The following UQCC1 variants were observed in gnomAD, a reference collection of about 807,000 sequenced individuals.
UQCC1 encodes ubiquinol-cytochrome c reductase complex assembly factor 1.
Under a neutral mutation model 48.0 loss-of-function variants are expected in UQCC1, and 38 were observed. The ratio of observed to expected loss-of-function variants is 0.79; its 90% CI spans 0.61 to 1.04. The LOEUF is 1.04. UQCC1 is among the 50% of genes least tolerant of loss of function. The pLI, the probability that UQCC1 is intolerant of heterozygous loss-of-function variation, is 0.00. For missense variants in UQCC1, 368 were observed against 381.8 expected (o/e 0.96, Z 0.30); for synonymous variants, 111 against 129.2 (o/e 0.86, Z 0.95).
intron 7 of UQCC1, chr20:35,346,498 T>C (rs6088799): frequency 0.54 from 85,646 of 158,108 alleles, 24,302 homozygotes; most frequent in East Asian, 0.71. Flanking sequence ...GGCTTCATTC[T>C]TGAAGTCGCG....
chr20:35,358,494 A>G (rs1378410292), intron 6 of UQCC1, among the ~76,000 whole-genome samples: 1 of 152,178 alleles, frequency 6.6e-6, no homozygotes, highest in African/African-American at 2.4e-5. Context: ...CATTTATTGA[A>G]CAAGTATTAC....
intron 1 of UQCC1, among the ~76,000 whole-genome samples, chr20:35,408,479 T>C (rs751151464): frequency 1.3e-5 from 2 of 152,072 alleles, no homozygotes; most frequent in Non-Finnish European, 2.9e-5. Flanking sequence ...AAGGATGTGG[T>C]GAAACTGGAA....
intron 6 of UQCC1, among the ~76,000 whole-genome samples, chr20:35,358,848 C>G (rs1334393127): frequency 6.6e-6 from 1 of 152,202 alleles, no homozygotes; most frequent in East Asian, 1.9e-4. Flanking sequence ...GCGTGAGCCA[C>G]CGCGCCTGGC....
Position 35,386,404 on chromosome 20 carries a change from A to G in UQCC1, c.130-2271T>C, listed in dbSNP as rs73903065. 2,857 of 435,754 alleles carry G rather than the reference A, an allele frequency of 6.6e-3. 72 individuals are homozygous for G. The highest frequency in any genetic ancestry group is 0.053 in the African/African-American group (2,561 of 48,706). The allele number at this position is 435,754 out of a possible 1,614,324, so 27.0% of individuals were successfully genotyped here. A position where few individuals can be genotyped will look rare whatever the true frequency, so the allele number is the denominator to read the frequency against. Reference sequence around the variant, plus strand: ...TTTCTTTAACCCTAACGAAGAAAAAATAGAATTTCTAATTGTGGAATGTTA... The same window carrying G: ...TTTCTTTAACCCTAACGAAGAAAAAGTAGAATTTCTAATTGTGGAATGTTA... On this transcript the variant is annotated intron_variant, in intron 2 of 9. Coordinates refer to ENST00000374385, the MANE Select transcript of UQCC1 (RefSeq NM_018244.5).
chr20:35,324,400 C>G (rs1347042512), intron 7 of UQCC1, among the ~76,000 whole-genome samples: 2 of 152,212 alleles, frequency 1.3e-5, no homozygotes, highest in African/African-American at 4.8e-5. Flanking sequence ...CATCTCTGCT[C>G]ACTGCAAGCT....
At chr20:35,376,303 G>A (rs551786376) in intron 4 of UQCC1, among the ~76,000 whole-genome samples, 61 of 149,994 alleles carry the variant, frequency 4.1e-4, no homozygotes, top group Non-Finnish European at 2.5e-4. Context: ...GCCAGACTCC[G>A]CCTCAAAAAA....
At chr20:35,340,023 G>T (rs1438555334) in intron 7 of UQCC1, among the ~76,000 whole-genome samples, 1 of 152,072 alleles carries the variant, frequency 6.6e-6, no homozygotes, top group Non-Finnish European at 1.5e-5. Context: ...GGTTCTATAT[G>T]CATCCTTACC....
intron 6 of UQCC1, among the ~76,000 whole-genome samples, chr20:35,366,131 A>G (rs1224349612): frequency 6.6e-6 from 1 of 152,232 alleles, no homozygotes; most frequent in East Asian, 1.9e-4. Context: ...TGCACATTTT[A>G]GAGGTACAGG....
intron 7 of UQCC1, among the ~76,000 whole-genome samples, chr20:35,321,984 C>T (rs1240107701): frequency 6.6e-6 from 1 of 152,236 alleles, no homozygotes; most frequent in African/African-American, 2.4e-5. Flanking sequence ...ATTAAGTCCA[C>T]AATCATCTTC....
intron 2 of UQCC1, chr20:35,386,404 A>C (rs73903065): frequency 2.3e-6 from 1 of 435,758 alleles, no homozygotes; most frequent in African/African-American, 2.1e-5. Flanking sequence ...CGAAGAAAAA[A>C]TAGAATTTCT....
intron 9 of UQCC1, 69 bp from the exon 10 acceptor site, chr20:35,304,138 A>G (rs2060902134): frequency 1.2e-6 from 2 of 1,601,808 alleles, no homozygotes; most frequent in Non-Finnish European, 1.7e-6. Context: ...AGCGTCAGGA[A>G]CCAGCCTCCC....
Position 35,406,467 on chromosome 20 carries a change from A to T in UQCC1, c.24+5473T>A, listed in dbSNP as rs531058968. Among the ~76,000 whole-genome samples the T allele has an allele frequency of 7.6e-4, 116 of 152,366 alleles. 1 individual carries two copies. The highest frequency in any genetic ancestry group is 1.4e-3 in the Non-Finnish European group (96 of 68,042). ...GATAAAATAGTCAAAACAAGGAAAG[A>T]CAAAGATTTTCAAACAAGAATTCTA... On this transcript the variant is annotated intron_variant, in intron 1 of 9. Transcript: ENST00000374385.
chr20:35,308,059 G>C (rs2060948186), intron 8 of UQCC1, among the ~76,000 whole-genome samples: 1 of 152,224 alleles, frequency 6.6e-6, no homozygotes, highest in Non-Finnish European at 1.5e-5. Flanking sequence ...ATTACCCAAA[G>C]ACCCAGGATC....
In UQCC1 at chr20:35,307,150, C is replaced by T. The variant is rs978652955; in HGVS notation, c.652-371G>A. 1.5e-5 allele frequency: 5 copies of T among 338,912 alleles called. No individual in the cohort carries two copies. In the Admixed American group the frequency reaches 2.0e-4, roughly 14 times the overall value. The allele number at this position is 338,912 out of a possible 1,614,324, so 21.0% of individuals were successfully genotyped here. On this transcript the variant is annotated intron_variant, in intron 8 of 9. Coordinates refer to ENST00000374385, the MANE Select transcript of UQCC1 (RefSeq NM_018244.5). The stretch of plus-strand genomic sequence containing the variant: ...CCTGCTGTCCATAGCAGCAATGCTC[C>T]CCCTGCTGTCCACAGGGCACGGGCT...
intron 7 of UQCC1, among the ~76,000 whole-genome samples, chr20:35,338,265 G>A (rs1019914110): frequency 1.3e-5 from 2 of 152,164 alleles, no homozygotes; most frequent in East Asian, 3.8e-4. Context: ...AGGCTTGGGA[G>A]TGCACTGAAG....
rs1225098292 is a variant in UQCC1 at position 35,344,018 on chromosome 20, C to T, written c.573+3146G>A. On this transcript the variant is annotated intron_variant, in intron 7 of 9. Coordinates refer to ENST00000374385, the MANE Select transcript of UQCC1 (RefSeq NM_018244.5). ...TAGGGGAAAAATTCCCCAATTCCTG[C>T]AGGACTGCACTGATATACACTTGGA... The T allele has an allele frequency of 2.0e-5, 3 of 152,180 alleles. No individual in the cohort carries two copies. In the East Asian group the frequency reaches 5.8e-4, roughly 29 times the overall value. The allele number at this position is 152,180 out of a possible 1,614,324, so 9.4% of individuals were successfully genotyped here.
intron 2 of UQCC1, among the ~76,000 whole-genome samples, chr20:35,386,579 A>G (rs78690204): frequency 6.6e-6 from 1 of 152,340 alleles, no homozygotes; most frequent in African/African-American, 2.4e-5. Flanking sequence ...ATTACATCAC[A>G]TACATCAATG....
intron 7 of UQCC1, among the ~76,000 whole-genome samples, chr20:35,319,658 A>G (rs2061100685): frequency 6.6e-6 from 1 of 152,144 alleles, no homozygotes; most frequent in Admixed American, 6.5e-5. Context: ...TGCAAAAAAA[A>G]GGAAGGGATG....
At chr20:35,392,197 T>A (rs1348590569) in intron 2 of UQCC1, 11 of 1,288,990 alleles carry the variant, frequency 8.5e-6, no homozygotes, top group Non-Finnish European at 1.0e-5. Flanking sequence ...AAACTCTTTC[T>A]CATTCTGAGC....
Sources: allele counts gnomAD v4.1 joint callset (sites outside exome capture counted in the v4.1 genomes callset), GRCh38; gene constraint gnomAD v4.1.1; transcripts MANE v1.5; gene names NCBI Gene and HGNC (gene_info 2026-07-23, HGNC 2026-07-21).